The following HOXA6 variants were observed in gnomAD, a reference collection of about 807,000 sequenced individuals.
The protein encoded by HOXA6 is homeobox A6, also known as homeobox protein Hox-A6.
HOXA6 carries 19 observed loss-of-function variants against 23.2 expected under a neutral mutation model. That is an observed-to-expected ratio of 0.82 (90% CI 0.57 to 1.20). HOXA6 has a LOEUF of 1.20. HOXA6 is among the 50% of genes most tolerant of loss of function. HOXA6 has a pLI of 0.00. For missense variants in HOXA6, 346 were observed against 313.6 expected, an observed-to-expected ratio of 1.10 and a Z score of -0.78; for synonymous variants, 140 against 132.6, an observed-to-expected ratio of 1.06 and a Z score of -0.38.
At chr7:27,147,192 C>T in intron 1 of HOXA6, 116 bp downstream of exon 1, 1 of 1,072,582 alleles carries the variant, frequency 9.3e-7, no homozygotes, top group African/African-American at 1.6e-5. Context: ...AGAAACTTTG[C>T]TGGTTCTTTC....
rs1219970113 is a variant in HOXA6 at position 27,145,489 on chromosome 7, TTTGTTTTGTA to T, written c.*159_*168del. ...TTTGTTTTGTTTTGTTTTGTTTTGTTTTGTTTTGTAAGAAATAAATGCACAGACGCTTGCA... is the reference window on the plus strand; with the variant it reads ...TTTGTTTTGTTTTGTTTTGTTTTGTTAGAAATAAATGCACAGACGCTTGCA... On this transcript the variant is annotated 3_prime_UTR_variant, in exon 2 of 2. Coordinates refer to ENST00000222728, the MANE Select transcript of HOXA6 (RefSeq NM_024014.4). The T allele has an allele frequency of 5.4e-5, 38 of 700,208 alleles. No individual in the cohort carries two copies. Among genetic ancestry groups the T allele is most frequent in the Non-Finnish European group, 8.1e-5 (36 of 444,104 alleles). 43.4% of individuals were successfully genotyped at this position (700,208 alleles called of 1,614,324 possible). A position where few individuals can be genotyped will look rare whatever the true frequency, so the allele number is the denominator to read the frequency against.
rs756900527 is a variant in HOXA6, at chr7:27,145,708, T to C, written c.652A>G (p.Asn218Asp). The part of the protein sequence containing the change: ...MKWKKENKLI[N>D]STQPSGEDSE... ...TCCTCCCCGCTGGGCTGCGTGGAAT[T>C]GATGAGCTTGTTTTCCTTTTTCCAC... is the stretch of plus-strand genomic sequence containing the variant. Residue 218 changes from asparagine to aspartate, a missense_variant, in exon 2 of 2, where the codon AAT (asparagine) becomes GAT (aspartate). Coordinates refer to ENST00000222728, the MANE Select transcript of HOXA6 (RefSeq NM_024014.4). 5 of 1,614,068 alleles carry C rather than the reference T, an allele frequency of 3.1e-6. No homozygotes were observed. The highest frequency in any genetic ancestry group is 3.3e-5 in the Admixed American group (2 of 60,010).
Position 27,147,326 on chromosome 7 carries a change from G to T in HOXA6, c.424C>A (p.Arg142=), listed in dbSNP as rs757692553. ...GTCTTACCCGCGCAGGAGTTCATCC[G>T]CTGCATCCAAGGGTAAACCGGGCTC... The part of the protein sequence containing the change: ...YTSPVYPWMQ[R]MNSCAGAVYG... The change falls in exon 1 of 2, where the codon CGG becomes AGG. Residue 142 remains arginine (R), a synonymous_variant. Transcript: ENST00000222728. 6.2e-7 allele frequency: 1 copy of T among 1,613,642 alleles called. No individual in the cohort carries two copies. Among genetic ancestry groups the T allele is most frequent in the East Asian group, 2.2e-5 (1 of 44,868 alleles).
In HOXA6 at chr7:27,147,515, AAC is replaced by A. The variant is rs1782814307; in HGVS notation, c.233_234del (p.Cys78PhefsTer4). On this transcript the variant is annotated frameshift_variant, in exon 1 of 2. Transcript: ENST00000222728. LOFTEE classifies it high-confidence loss of function. ...CCACTGAGGTCCTTATCAGAATAGA[AAC>A]ACGAGGCCCCGTACTCGTAGGACGC... ...NRASYEYGAS[C>X]FYSDKDLSGA... 6.2e-7 allele frequency: 1 copy of A among 1,614,030 alleles called. No individual in the cohort carries two copies.
In HOXA6 at chr7:27,147,662, C is replaced by A; in HGVS notation, c.88G>T (p.Ala30Ser). 1 of 1,614,124 alleles carries A rather than the reference C, an allele frequency of 6.2e-7. No homozygotes were observed. Among genetic ancestry groups the A allele is most frequent in the Middle Eastern group, 1.6e-4 (1 of 6,062 alleles). Reference protein sequence around the residue: ...SFLGQLPLYQAGYDALRPFPA... With the variant: ...SFLGQLPLYQSGYDALRPFPA... ...AAGGGCCTCAGCGCGTCATAGCCAG[C>A]CTGGTAGAGGGGCAGCTGGCCCAAG... The change falls in exon 1 of 2, where the codon GCT becomes TCT. Residue 30 changes from alanine to serine, a missense_variant. By Grantham distance (99) the Ala-to-Ser change is moderately conservative. Transcript: ENST00000222728.
rs755186230 is a variant in HOXA6, at chr7:27,147,369, G to T, written c.381C>A (p.Gly127=). The T allele has an allele frequency of 1.2e-5, 19 of 1,614,156 alleles. No individual in the cohort carries two copies. Among genetic ancestry groups the T allele is most frequent in the Non-Finnish European group, 1.4e-5 (17 of 1,180,032 alleles). The change falls in exon 1 of 2, where the codon GGC becomes GGA. Residue 127 remains glycine, a synonymous_variant. Coordinates refer to ENST00000222728, the MANE Select transcript of HOXA6 (RefSeq NM_024014.4). Reference sequence around the variant, plus strand: ...CCGGGCTCGTGTACTTCCGGTCGGCGCCTTCGTCATGGAGTGCTTTGCCCT... The same window carrying T: ...CCGGGCTCGTGTACTTCCGGTCGGCTCCTTCGTCATGGAGTGCTTTGCCCT... ...SGQGKALHDE[G]ADRKYTSPVY... is the part of the protein sequence containing the mutation.
chr7:27,147,565 T>A lies in HOXA6; in HGVS notation c.185A>T (p.Asn62Ile), dbSNP rs1190969532. 6 of 1,613,792 alleles carry A rather than the reference T, an allele frequency of 3.7e-6. No homozygotes were observed. Among genetic ancestry groups the A allele is most frequent in the Non-Finnish European group, 4.2e-6 (5 of 1,179,982 alleles). The change falls in exon 1 of 2, where the codon AAC (asparagine) becomes ATC (isoleucine). Residue 62 changes from asparagine (N) to isoleucine (I), a missense_variant. Transcript: ENST00000222728. Reference sequence around the variant, plus strand: ...CGCCCGGTTGCAGGCCAGGACCGAGTTGGACTGTTGGTAGAAACAAGGTGA... The same window carrying A: ...CGCCCGGTTGCAGGCCAGGACCGAGATGGACTGTTGGTAGAAACAAGGTGA... ...YTSPCFYQQS[N>I]SVLACNRASY...
At chr7:27,145,955 C>T (rs1782746724) in intron 1 of HOXA6, 38 bp from the exon 2 acceptor site, 1 of 1,592,924 alleles carries the variant, frequency 6.3e-7, no homozygotes, top group East Asian at 2.2e-5. Context: ...TAAGCCAGGG[C>T]CTGGAGGGTT....
intron 1 of HOXA6, 127 bp from the exon 2 acceptor site, chr7:27,146,044 A>C: frequency 9.1e-7 from 1 of 1,093,150 alleles, no homozygotes; most frequent in Non-Finnish European, 1.3e-6. Flanking sequence ...CTCTCCCACT[A>C]TGTCTGGGGC....
intron 1 of HOXA6, 110 bp downstream of exon 1, chr7:27,147,198 C>A (rs1010480724): frequency 8.9e-7 from 1 of 1,127,608 alleles, no homozygotes; most frequent in Non-Finnish European, 1.2e-6. Context: ...TTTGCTGGTT[C>A]TTTCATCCTT....
chr7:27,147,568 G>C lies in HOXA6; in HGVS notation c.182C>G (p.Ser61Cys), dbSNP rs755605484. The C allele has an allele frequency of 2.8e-5, 45 of 1,614,122 alleles. 1 individual carries two copies. In the South Asian group the frequency reaches 4.7e-4, roughly 17 times the overall value. Residue 61 changes from serine to cysteine, a missense_variant, in exon 1 of 2, where the codon TCC becomes TGC. Transcript: ENST00000222728. ...TYTSPCFYQQ[S>C]NSVLACNRAS... ...CCGGTTGCAGGCCAGGACCGAGTTG[G>C]ACTGTTGGTAGAAACAAGGTGAGGT...
intron 1 of HOXA6, 115 bp from the exon 2 acceptor site, chr7:27,146,032 G>A (rs918910237): frequency 9.8e-6 from 12 of 1,220,716 alleles, no homozygotes; most frequent in African/African-American, 3.0e-5. Flanking sequence ...CTCCACTCCA[G>A]CCTCTCCCAC....
rs373568444 is a variant in HOXA6, at chr7:27,147,294, G to C, written c.442+14C>G. 122 of 1,608,448 alleles carry C rather than the reference G, an allele frequency of 7.6e-5. No individual in the cohort carries two copies. In the African/African-American group the frequency reaches 1.4e-3, roughly 18 times the overall value. ...CTTTCCCCTCTCCCTCCACTGTCTTGGGATATGTCTTACCCGCGCAGGAGT... is the reference window on the plus strand; with the variant it reads ...CTTTCCCCTCTCCCTCCACTGTCTTCGGATATGTCTTACCCGCGCAGGAGT... On this transcript the variant is annotated intron_variant, in intron 1 of 1. Coordinates refer to ENST00000222728, the MANE Select transcript of HOXA6 (RefSeq NM_024014.4).
Position 27,147,576 on chromosome 7 carries a change from G to A in HOXA6, c.174C>T (p.Tyr58=). 6.2e-7 allele frequency: 1 copy of A among 1,614,248 alleles called. No homozygotes were observed. Among genetic ancestry groups the A allele is most frequent in the South Asian group, 1.1e-5 (1 of 91,086 alleles). ...AGGCCAGGACCGAGTTGGACTGTTGGTAGAAACAAGGTGAGGTGTACGTCT... is the reference window on the plus strand; with the variant it reads ...AGGCCAGGACCGAGTTGGACTGTTGATAGAAACAAGGTGAGGTGTACGTCT... ...PDKTYTSPCF[Y]QQSNSVLACN... is the part of the protein sequence containing the mutation. The change falls in exon 1 of 2, where the codon TAC becomes TAT. Residue 58 remains tyrosine (Y), a synonymous_variant. Transcript: ENST00000222728.
chr7:27,147,042 C>T, intron 1 of HOXA6: 1 of 534,532 alleles, frequency 1.9e-6, no homozygotes, highest in Admixed American at 3.4e-5. Context: ...CTGTCCCTGT[C>T]ACAGGTCTCA....
intron 1 of HOXA6, chr7:27,147,038 C>T (rs1444533040): frequency 3.8e-6 from 2 of 529,040 alleles, no homozygotes; most frequent in Non-Finnish European, 3.3e-6. Flanking sequence ...CAGGCTGTCC[C>T]TGTCACAGGT....
At position 27,145,475 on chromosome 7, in the gene HOXA6, T is replaced by G; in HGVS notation, c.*183A>C. 1.3e-6 allele frequency: 1 copy of G among 753,274 alleles called. No homozygotes were observed. The allele number at this position is 753,274 out of a possible 1,614,324, so 46.7% of individuals were successfully genotyped here. A position where few individuals can be genotyped will look rare whatever the true frequency, so the allele number is the denominator to read the frequency against. ...TTGTTTTGTTTTGTTTTGTTTTGTT[T>G]TGTTTTGTTTTGTTTTGTTTTGTAA... On this transcript the variant is annotated 3_prime_UTR_variant, in exon 2 of 2. Coordinates refer to ENST00000222728, the MANE Select transcript of HOXA6 (RefSeq NM_024014.4).
chr7:27,147,456 G>T lies in HOXA6; in HGVS notation c.294C>A (p.Gly98=). The stretch of plus-strand genomic sequence containing the variant: ...GAGAAAAGTGCAGGTAGTCCCCGGG[G>T]CCCCTCTGCTTGCCACTGCCCGAGG... ...ASPSGSGKQR[G]PGDYLHFSPE... is the part of the protein sequence containing the mutation. The change falls in exon 1 of 2, where the codon GGC becomes GGA. Residue 98 remains glycine (G), a synonymous_variant. Coordinates refer to ENST00000222728, the MANE Select transcript of HOXA6 (RefSeq NM_024014.4). 6.2e-7 allele frequency: 1 copy of T among 1,614,204 alleles called. No individual in the cohort carries two copies. Among genetic ancestry groups the T allele is most frequent in the South Asian group, 1.1e-5 (1 of 91,086 alleles).
In HOXA6 at chr7:27,145,474, T is replaced by G; in HGVS notation, c.*184A>C. On this transcript the variant is annotated 3_prime_UTR_variant, in exon 2 of 2. Coordinates refer to ENST00000222728, the MANE Select transcript of HOXA6 (RefSeq NM_024014.4). ...TTTGTTTTGTTTTGTTTTGTTTTGT[T>G]TTGTTTTGTTTTGTTTTGTTTTGTA... The G allele has an allele frequency of 1.2e-5, 9 of 747,434 alleles. No homozygotes were observed. The highest frequency in any genetic ancestry group is 1.8e-5 in the African/African-American group (1 of 56,316). The allele number at this position is 747,434 out of a possible 1,614,324, so 46.3% of individuals were successfully genotyped here.
Sources: allele counts gnomAD v4.1 joint callset, GRCh38; gene constraint gnomAD v4.1.1; transcripts MANE v1.5; gene names NCBI Gene and HGNC (gene_info 2026-07-23, HGNC 2026-07-21).